Variants in ANAPC10 observed in about 807,000 individuals in gnomAD.
ANAPC10 encodes anaphase promoting complex subunit 10.
A neutral mutation model predicts 22.0 loss-of-function variants in ANAPC10; 12 were observed. The observed-to-expected ratio is 0.55, with a 90% CI of 0.35 to 0.88. The LOEUF (loss-of-function observed/expected upper bound fraction) is 0.88, where lower values mean the gene tolerates loss of function less well. Among genes scored for constraint, ANAPC10 ranks in the 40% least tolerant of loss-of-function variants. The pLI, the probability that ANAPC10 is intolerant of heterozygous loss-of-function variation, is 0.01. For missense variants in ANAPC10, 188 were observed against 220.9 expected (o/e 0.85, Z 0.94); for synonymous variants, 65 against 69.5 (o/e 0.94, Z 0.32).
At position 145,007,534 on chromosome 4, in the gene ANAPC10, C is replaced by G. The variant is rs533856667; in HGVS notation, c.328-11931G>C. Among the ~76,000 whole-genome samples the G allele has an allele frequency of 1.7e-3, 264 of 152,172 alleles. 2 individuals carry two copies. Among genetic ancestry groups the G allele is most frequent in the East Asian group, 8.1e-3 (42 of 5,180 alleles). The stretch of plus-strand genomic sequence containing the variant: ...CAGGATTAAGAAACTCACTCAAAAC[C>G]GCTCAACTACAGGGAAACTGAACAA... On this transcript the variant is annotated intron_variant, in intron 4 of 4. Coordinates refer to ENST00000507656, the MANE Select transcript of ANAPC10 (RefSeq NM_001256706.2).
At chr4:145,072,959 A>G (rs1334252170) in intron 3 of ANAPC10, among the ~76,000 whole-genome samples, 1 of 150,982 alleles carries the variant, frequency 6.6e-6, no homozygotes, top group African/African-American at 2.4e-5. Flanking sequence ...GTGCAGTGGC[A>G]TGACAATAGT....
intron 4 of ANAPC10, among the ~76,000 whole-genome samples, chr4:145,001,210 A>G (rs1370513918): frequency 7.8e-5 from 9 of 115,124 alleles, no homozygotes; most frequent in Non-Finnish European, 1.2e-4. Context: ...GAAAGAAGGA[A>G]GGAGGGAGGG....
intron 4 of ANAPC10, among the ~76,000 whole-genome samples, chr4:145,043,290 A>T (rs1317226533): frequency 6.6e-6 from 1 of 152,192 alleles, no homozygotes; most frequent in Admixed American, 6.6e-5. Context: ...AACAATTCTA[A>T]TTATAGATAA....
chr4:145,019,138 A>C (rs1300098396), intron 4 of ANAPC10, among the ~76,000 whole-genome samples: 2 of 152,216 alleles, frequency 1.3e-5, no homozygotes, highest in African/African-American at 2.4e-5. Flanking sequence ...CAAGAACCAC[A>C]GAATACACAA....
At chr4:145,017,894 C>T (rs1407094505) in intron 4 of ANAPC10, among the ~76,000 whole-genome samples, 3 of 145,410 alleles carry the variant, frequency 2.1e-5, no homozygotes, top group African/African-American at 7.7e-5. Flanking sequence ...CGTGTGTTCT[C>T]ACTGATAGCT....
intron 3 of ANAPC10, among the ~76,000 whole-genome samples, chr4:145,077,476 G>A (rs539674480): frequency 1.8e-4 from 27 of 151,998 alleles, no homozygotes; most frequent in Non-Finnish European, 3.7e-4. Flanking sequence ...CTACTGAAAC[G>A]ATTGCAAAAA....
intron 3 of ANAPC10, among the ~76,000 whole-genome samples, chr4:145,066,291 A>C (rs949649571): frequency 6.6e-6 from 1 of 152,136 alleles, no homozygotes; most frequent in Non-Finnish European, 1.5e-5. Context: ...GACCATTATT[A>C]GGTTTTTAAA....
intron 4 of ANAPC10, among the ~76,000 whole-genome samples, chr4:145,022,637 C>A (rs1041430763): frequency 1.1e-4 from 16 of 151,898 alleles, no homozygotes; most frequent in Middle Eastern, 3.4e-3. Flanking sequence ...CACCTGTACT[C>A]CAATAACCTA....
At chr4:144,995,798 C>T (rs1339203769) in intron 4 of ANAPC10, among the ~76,000 whole-genome samples, 195 bp from the exon 5 acceptor site, 1 of 152,134 alleles carries the variant, frequency 6.6e-6, no homozygotes, top group African/African-American at 2.4e-5. Flanking sequence ...TTTAGATGTA[C>T]CATCTTAGTA....
chr4:145,082,570 C>G (rs1284326897), intron 2 of ANAPC10, among the ~76,000 whole-genome samples: 1 of 152,162 alleles, frequency 6.6e-6, no homozygotes, highest in African/African-American at 2.4e-5. Flanking sequence ...GTTCAATATG[C>G]CATGCTTACT....
intron 3 of ANAPC10, among the ~76,000 whole-genome samples, chr4:145,076,579 A>T (rs1230963933): frequency 6.6e-6 from 1 of 152,242 alleles, no homozygotes; most frequent in Non-Finnish European, 1.5e-5. Context: ...GTTGCCCAGC[A>T]ATGGTTCTTA....
At chr4:145,014,177 T>C (rs1734760866) in intron 4 of ANAPC10, among the ~76,000 whole-genome samples, 1 of 151,754 alleles carries the variant, frequency 6.6e-6, no homozygotes, top group African/African-American at 2.4e-5. Flanking sequence ...AGCTCGGAGG[T>C]GGGTACCATG....
intron 4 of ANAPC10, among the ~76,000 whole-genome samples, chr4:145,039,660 T>C (rs1315635830): frequency 6.6e-6 from 1 of 152,062 alleles, no homozygotes; most frequent in Non-Finnish European, 1.5e-5. Context: ...AGTGGCTAGA[T>C]CTTGGAGCAC....
chr4:145,064,524 G>C (rs748499295), intron 4 of ANAPC10, 48 bp downstream of exon 4: 2 of 1,487,770 alleles, frequency 1.3e-6, no homozygotes, highest in Non-Finnish European at 1.8e-6. Flanking sequence ...ATCTTCTAAT[G>C]AGTAAAAGTT....
chr4:145,090,282 CTATT>C (rs1425979581), intron 2 of ANAPC10, among the ~76,000 whole-genome samples: 1 of 151,916 alleles, frequency 6.6e-6, no homozygotes, highest in Non-Finnish European at 1.5e-5. Flanking sequence ...TGTTGTTTTT[CTATT>C]TGTGTTATTT....
intron 4 of ANAPC10, among the ~76,000 whole-genome samples, chr4:145,053,175 C>A (rs1741386551): frequency 1.3e-5 from 2 of 152,032 alleles, no homozygotes; most frequent in African/African-American, 2.4e-5. Context: ...AGAACCAGAA[C>A]AAGAATTTAA....
intron 4 of ANAPC10, chr4:145,053,767 T>C (rs1019364284): frequency 2.9e-5 from 19 of 659,038 alleles, no homozygotes; most frequent in African/African-American, 1.8e-4. Context: ...TTCATTCACA[T>C]GTAAAACATG....
At chr4:145,000,828 A>G (rs1486503276) in intron 4 of ANAPC10, among the ~76,000 whole-genome samples, 2 of 152,208 alleles carry the variant, frequency 1.3e-5, no homozygotes, top group Admixed American at 6.5e-5. Context: ...GATTAAGAAA[A>G]TGTGACATAT....
At chr4:145,078,432 A>T (rs988918265) in intron 3 of ANAPC10, among the ~76,000 whole-genome samples, 2 of 142,488 alleles carry the variant, frequency 1.4e-5, no homozygotes, top group East Asian at 3.9e-4. Flanking sequence ...AATATTGTTT[A>T]AAAAAAAATG....
Sources: gnomAD v4.1 joint callset for allele counts (sites outside exome capture counted in the v4.1 genomes callset) on GRCh38, gnomAD v4.1.1 for gene constraint, MANE v1.5 for transcripts, NCBI Gene and HGNC (gene_info 2026-07-23, HGNC 2026-07-21) for gene names.